Variants in RFX8 observed in about 807,000 individuals in gnomAD.
RFX8 encodes the protein DNA-binding protein RFX8.
In RFX8, 46 loss-of-function variants were observed where a neutral mutation model predicts 54.6. The observed-to-expected ratio is 0.84, with a 90% confidence interval of 0.67 to 1.08. The LOEUF is 1.08. Among genes scored for constraint, RFX8 ranks in the 50% least tolerant of loss-of-function variants. RFX8 has a pLI of 0.00. For missense variants in RFX8, 536 were observed against 562.3 expected, an observed-to-expected ratio of 0.95 and a Z score of 0.47; for synonymous variants, 192 against 209.5, an observed-to-expected ratio of 0.92 and a Z score of 0.72.
Position 101,427,758 on chromosome 2 carries a change from G to A in RFX8, c.73-5286C>T, listed in dbSNP as rs527604758. On this transcript the variant is annotated intron_variant, in intron 2 of 11. Coordinates refer to ENST00000428343, the MANE Select transcript of RFX8 (RefSeq NM_001145664.2). ...CACCCATGGCCTGCACTGCCCGCTCGACATGGTACCCATTGTTCCACGTCT... is the reference window on the plus strand; with the variant it reads ...CACCCATGGCCTGCACTGCCCGCTCAACATGGTACCCATTGTTCCACGTCT... Among the ~76,000 whole-genome samples the A allele has an allele frequency of 2.3e-4, 35 of 152,176 alleles. No individual in the cohort carries two copies. The South Asian group carries it at 3.1e-3, about 14-fold the overall frequency.
At chr2:101,472,527 A>G (rs1690065171) in intron 1 of RFX8, among the ~76,000 whole-genome samples, 1 of 30,932 alleles carries the variant, frequency 3.2e-5, no homozygotes, top group African/African-American at 7.3e-5. Flanking sequence ...AGAGTGGCCT[A>G]TAGGGATAGG....
At chr2:101,473,962 G>C (rs1056544798) in intron 1 of RFX8, among the ~76,000 whole-genome samples, 21 of 152,228 alleles carry the variant, frequency 1.4e-4, no homozygotes, top group African/African-American at 4.8e-4. Flanking sequence ...TGACAACGGG[G>C]AAGTCACAGA....
In RFX8 at chr2:101,406,038, T is replaced by TC. The variant is rs747717459; in HGVS notation, c.832dup (p.Glu278GlyfsTer31). 76 of 1,544,848 alleles carry TC rather than the reference T, an allele frequency of 4.9e-5. No individual in the cohort carries two copies. Among genetic ancestry groups the TC allele is most frequent in the Non-Finnish European group, 6.5e-5 (74 of 1,143,990 alleles). ...GAAGCTGGCGGCCAATTTGGTAAAC[T>TC]CTTCTTTGCTTCTGCTTGTCTGTTA... On this transcript the variant is annotated frameshift_variant, in exon 10 of 12. Transcript: ENST00000428343. LOFTEE classifies it high-confidence loss of function.
chr2:101,466,644 G>A lies in RFX8; in HGVS notation c.72+133C>T, dbSNP rs1183369224. 10 of 718,422 alleles carry A rather than the reference G, an allele frequency of 1.4e-5. No individual in the cohort carries two copies. In the East Asian group the frequency reaches 2.4e-4, roughly 17 times the overall value. The allele number at this position is 718,422 out of a possible 1,614,324, so 44.5% of individuals were successfully genotyped here. On this transcript the variant is annotated intron_variant, in intron 2 of 11. Coordinates refer to ENST00000428343, the MANE Select transcript of RFX8 (RefSeq NM_001145664.2). The stretch of plus-strand genomic sequence containing the variant: ...TCAATTAGCTGAAGGATGTTGACCA[G>A]CTGGTGGGAAGGAAGCCAAAGATAC...
intron 9 of RFX8, among the ~76,000 whole-genome samples, chr2:101,409,445 C>T (rs1340982554): frequency 1.3e-5 from 2 of 151,786 alleles, no homozygotes; most frequent in African/African-American, 4.8e-5. Flanking sequence ...CCAGAATGGT[C>T]TCCATCTCCT....
intron 1 of RFX8, among the ~76,000 whole-genome samples, chr2:101,469,250 G>A (rs1202484741): frequency 2.7e-5 from 4 of 150,148 alleles, no homozygotes; most frequent in African/African-American, 7.4e-5. Context: ...AAACTCCTGG[G>A]CTCAAGGGAT....
chr2:101,446,455 T>C (rs1688382806), intron 2 of RFX8, among the ~76,000 whole-genome samples: 1 of 151,930 alleles, frequency 6.6e-6, no homozygotes, highest in Non-Finnish European at 1.5e-5. Context: ...ATTACAGGCC[T>C]GAGCCACCGC....
At chr2:101,469,081 T>TATATATATAC (rs1558896774) in intron 1 of RFX8, among the ~76,000 whole-genome samples, 59 of 10,668 alleles carry the variant, frequency 5.5e-3, no homozygotes, top group African/African-American at 0.026. Context: ...TATATATAAG[T>TATATATATAC]GTATATATAT....
intron 2 of RFX8, among the ~76,000 whole-genome samples, chr2:101,443,205 T>C (rs1236059745): frequency 6.6e-6 from 1 of 152,110 alleles, no homozygotes; most frequent in Non-Finnish European, 1.5e-5. Flanking sequence ...GATTGTACAG[T>C]CCTGGGTCCC....
At chr2:101,397,986 G>A (rs947560471) in intron 11 of RFX8, among the ~76,000 whole-genome samples, 59 of 152,036 alleles carry the variant, frequency 3.9e-4, no homozygotes, top group African/African-American at 1.4e-3. Context: ...AGCCTCCCAA[G>A]TTGCTGGGAT....
intron 8 of RFX8, among the ~76,000 whole-genome samples, chr2:101,412,056 C>T (rs1295734006): frequency 1.3e-5 from 2 of 152,156 alleles, no homozygotes. Context: ...CAGCTGTAGA[C>T]ACAGCTGAGA....
intron 2 of RFX8, among the ~76,000 whole-genome samples, chr2:101,431,379 C>T (rs1035864760): frequency 6.6e-6 from 1 of 152,154 alleles, no homozygotes; most frequent in Non-Finnish European, 1.5e-5. Flanking sequence ...CATCAGGGGG[C>T]CATCCTATTC....
intron 2 of RFX8, among the ~76,000 whole-genome samples, chr2:101,455,598 A>G (rs1319922145): frequency 6.6e-6 from 1 of 152,172 alleles, no homozygotes; most frequent in Non-Finnish European, 1.5e-5. Flanking sequence ...TACCAGTACC[A>G]TGCTGTTTTG....
chr2:101,427,045 T>A (rs1687212403), intron 2 of RFX8, among the ~76,000 whole-genome samples: 1 of 152,018 alleles, frequency 6.6e-6, no homozygotes. Flanking sequence ...GCACGCTGGG[T>A]TCCACACACG....
intron 2 of RFX8, among the ~76,000 whole-genome samples, chr2:101,464,388 T>C (rs575888864): frequency 1.3e-5 from 2 of 152,338 alleles, no homozygotes; most frequent in South Asian, 4.1e-4. Context: ...GAATGAGTCT[T>C]ACCCATCACA....
intron 2 of RFX8, among the ~76,000 whole-genome samples, chr2:101,432,862 C>T (rs559237814): frequency 6.6e-6 from 1 of 152,320 alleles, no homozygotes; most frequent in East Asian, 1.9e-4. Context: ...TAGAGAAAAA[C>T]AACAGAGCAC....
chr2:101,422,048 C>T lies in RFX8; in HGVS notation c.184-271G>A, dbSNP rs150975976. On this transcript the variant is annotated intron_variant, in intron 3 of 11. Transcript: ENST00000428343. Reference sequence around the variant, plus strand: ...CTACAAAGGCCACCAAACTTTGACACCTTTTTTTCTAAACTTCAATTTTCC... The same window carrying T: ...CTACAAAGGCCACCAAACTTTGACATCTTTTTTTCTAAACTTCAATTTTCC... 2.9e-3 allele frequency among the ~76,000 whole-genome samples: 435 copies of T among 152,326 alleles called. 5 individuals are homozygous for T. The highest frequency in any genetic ancestry group is 9.9e-3 in the African/African-American group (413 of 41,562).
At chr2:101,472,567 G>A (rs1558900111) in intron 1 of RFX8, among the ~76,000 whole-genome samples, 1 of 152,128 alleles carries the variant, frequency 6.6e-6, no homozygotes, top group African/African-American at 2.4e-5. Context: ...GAGTAAGTCA[G>A]ACTGTCTGCT....
intron 2 of RFX8, among the ~76,000 whole-genome samples, chr2:101,438,420 C>T (rs760193305): frequency 2.6e-5 from 4 of 152,046 alleles, no homozygotes; most frequent in Non-Finnish European, 5.9e-5. Flanking sequence ...TAGTTTATAC[C>T]TCTTTATTGT....
Sources: gnomAD v4.1 joint callset for allele counts (sites outside exome capture counted in the v4.1 genomes callset) on GRCh38, gnomAD v4.1.1 for gene constraint, MANE v1.5 for transcripts, NCBI Gene and HGNC (gene_info 2026-07-23, HGNC 2026-07-21) for gene names.